ZNF429: variants seen among roughly 807,000 people sequenced by gnomAD.
ZNF429 encodes the protein zinc finger protein 429.
In ZNF429, 53 loss-of-function variants were observed where a neutral mutation model predicts 56.8. The observed-to-expected ratio is 0.93, with a 90% CI of 0.75 to 1.17. ZNF429 has a LOEUF of 1.17. ZNF429 is among the 50% of genes most tolerant of loss of function. The pLI is 0.00. For missense variants in ZNF429, 849 were observed against 788.4 expected (o/e 1.08, Z -0.92); for synonymous variants, 278 against 264.7 (o/e 1.05, Z -0.49).
chr19:21,533,822 T>G, intron 3 of ZNF429, among the ~76,000 whole-genome samples: 2 of 151,948 alleles, frequency 1.3e-5, no homozygotes, highest in African/African-American at 4.8e-5. Context: ...CCTGGCTAAT[T>G]TTTTTGTATT....
At chr19:21,532,345 A>T in intron 3 of ZNF429, among the ~76,000 whole-genome samples, 1 of 152,148 alleles carries the variant, frequency 6.6e-6, no homozygotes, top group African/African-American at 2.4e-5. Flanking sequence ...GCAAAAGAAC[A>T]TCATACTTCA....
At chr19:21,534,849 G>A in intron 3 of ZNF429, among the ~76,000 whole-genome samples, 4 of 147,634 alleles carry the variant, frequency 2.7e-5, no homozygotes, top group African/African-American at 5.0e-5. Context: ...TCGCTCTGTC[G>A]CCCAGGCTGG....
intron 3 of ZNF429, among the ~76,000 whole-genome samples, chr19:21,535,457 TTTCTTTCTTTCTTTCTTTC>T: frequency 2.7e-5 from 3 of 110,010 alleles, no homozygotes; most frequent in African/African-American, 8.3e-5. Context: ...TCTTTCTTTC[TTTCTTTCTTTCTTTCTTTC>T]TTTCTTTCTT....
At chr19:21,531,136 A>AAAAAAAAAAAAAAAAAAAACAAAAC in intron 3 of ZNF429, among the ~76,000 whole-genome samples, 1 of 130,108 alleles carries the variant, frequency 7.7e-6, no homozygotes, top group East Asian at 2.2e-4. Flanking sequence ...AAAACCAAAA[A>AAAAAAAAAAAAAAAAAAAACAAAAC]AAAAAAAACA....
chr19:21,508,512 T>C (rs1023228375), intron 1 of ZNF429, among the ~76,000 whole-genome samples: 12 of 152,306 alleles, frequency 7.9e-5, no homozygotes, highest in African/African-American at 2.4e-4. Flanking sequence ...TTGAAAAGAT[T>C]TGTTCACTTA....
At chr19:21,534,955 A>G in intron 3 of ZNF429, among the ~76,000 whole-genome samples, 5 of 148,782 alleles carry the variant, frequency 3.4e-5, no homozygotes, top group Admixed American at 6.7e-5. Flanking sequence ...GACTACAGGC[A>G]TCCACCACCA....
intron 1 of ZNF429, among the ~76,000 whole-genome samples, chr19:21,525,451 T>C (rs182848269): frequency 6.5e-4 from 99 of 152,250 alleles, no homozygotes; most frequent in Middle Eastern, 6.8e-3. Context: ...GTCCACTCTT[T>C]GGCCCAGTTC....
chr19:21,532,943 C>T, intron 3 of ZNF429, among the ~76,000 whole-genome samples: 3 of 152,032 alleles, frequency 2.0e-5, no homozygotes, highest in Non-Finnish European at 4.4e-5. Context: ...GATCTGCCTG[C>T]CTCGGCCTCT....
intron 1 of ZNF429, 144 bp downstream of exon 1, chr19:21,505,918 C>T: frequency 2.3e-6 from 2 of 855,020 alleles, no homozygotes; most frequent in Non-Finnish European, 3.7e-6. Context: ...GGCTTCAGTC[C>T]CCTTCAGCCA....
intron 1 of ZNF429, among the ~76,000 whole-genome samples, chr19:21,522,537 T>C (rs1234998974): frequency 1.3e-5 from 2 of 152,160 alleles, no homozygotes; most frequent in East Asian, 3.8e-4. Context: ...GATATAAACA[T>C]ATTAGGTGCC....
chr19:21,525,647 T>G (rs1309403725), intron 1 of ZNF429, among the ~76,000 whole-genome samples: 1 of 145,902 alleles, frequency 6.9e-6, no homozygotes, highest in African/African-American at 2.5e-5. Context: ...TTTTAATTTT[T>G]TATTAAAATC....
In ZNF429 at chr19:21,534,551, G is replaced by A; in HGVS notation, c.227-1729G>A. Among the ~76,000 whole-genome samples, 66 of 151,996 alleles carry A rather than the reference G, an allele frequency of 4.3e-4. 1 individual carries two copies. Among genetic ancestry groups the A allele is most frequent in the Non-Finnish European group, 7.4e-4 (50 of 67,932 alleles). ...TGGCTAGTGCAGTTTTTAATTATTTGTAGGGACAGGATTTCACTATGTTGC... is the reference window on the plus strand; with the variant it reads ...TGGCTAGTGCAGTTTTTAATTATTTATAGGGACAGGATTTCACTATGTTGC... On this transcript the variant is annotated intron_variant, in intron 3 of 3. Coordinates refer to ENST00000358491, the MANE Select transcript of ZNF429 (RefSeq NM_001001415.4).
chr19:21,505,632 C>G lies in ZNF429; in HGVS notation c.-140C>G. ...TTCCGGAATATGGCGGGGCGTTTGG[C>G]TCTTGCTGCAGCCAGAGCTCCAGGT... On this transcript the variant is annotated 5_prime_UTR_variant, in exon 1 of 4. Coordinates refer to ENST00000358491, the MANE Select transcript of ZNF429 (RefSeq NM_001001415.4). The G allele has an allele frequency of 9.8e-6, 8 of 817,632 alleles. No homozygotes were observed. Among genetic ancestry groups the G allele is most frequent in the Admixed American group, 2.8e-5 (1 of 35,164 alleles). The allele number at this position is 817,632 out of a possible 1,614,324, so 50.6% of individuals were successfully genotyped here.
chr19:21,517,958 T>C (rs2032828957), intron 1 of ZNF429, among the ~76,000 whole-genome samples: 1 of 151,696 alleles, frequency 6.6e-6, no homozygotes, highest in African/African-American at 2.4e-5. Flanking sequence ...CATGCCTGGC[T>C]AATTTTTTTT....
chr19:21,527,574 A>G (rs2033216887), intron 1 of ZNF429, among the ~76,000 whole-genome samples: 1 of 152,134 alleles, frequency 6.6e-6, no homozygotes, highest in South Asian at 2.1e-4. Flanking sequence ...CCATACTACC[A>G]ATATTGTAGC....
In ZNF429 at chr19:21,537,362, T is replaced by G; in HGVS notation, c.1309T>G (p.Ser437Ala). Residue 437 changes from serine (S) to alanine (A), a missense_variant, in exon 4 of 4, where the codon TCC (serine) becomes GCC (alanine). By Grantham distance (99) the Ser-to-Ala change is moderately conservative (BLOSUM62 1). Transcript: ENST00000358491. ...AGAATGTGGCAAAGTTTTTACCTATTCCTCTACACTTACTAGACATAAGAG... is the reference window on the plus strand; with the variant it reads ...AGAATGTGGCAAAGTTTTTACCTATGCCTCTACACTTACTAGACATAAGAG... Reference protein sequence around the residue: ...CEECGKVFTYSSTLTRHKRIH... With the variant: ...CEECGKVFTYASTLTRHKRIH... 1 of 1,613,700 alleles carries G rather than the reference T, an allele frequency of 6.2e-7. No individual in the cohort carries two copies. The highest frequency in any genetic ancestry group is 8.5e-7 in the Non-Finnish European group (1 of 1,179,828).
intron 3 of ZNF429, among the ~76,000 whole-genome samples, chr19:21,532,694 G>C: frequency 1.5e-5 from 2 of 130,378 alleles, no homozygotes; most frequent in African/African-American, 2.9e-5. Flanking sequence ...CTCTATGTGA[G>C]AGGATTTTTT....
chr19:21,529,669 A>G lies in ZNF429; in HGVS notation c.15A>G (p.Thr5=). 6.3e-7 allele frequency: 1 copy of G among 1,585,268 alleles called. No homozygotes were observed. The highest frequency in any genetic ancestry group is 1.1e-5 in the South Asian group (1 of 88,294). Residue 5 remains threonine, a synonymous_variant, in exon 2 of 4, where the codon ACA becomes ACG. Coordinates refer to ENST00000358491, the MANE Select transcript of ZNF429 (RefSeq NM_001001415.4). ...TGTGTGTGTTTCAGGGACCATTGAC[A>G]TTTACAGATGTGGCCATAGAATTCT... MGPL[T]FTDVAIEFSL... is the part of the protein sequence containing the mutation.
rs2033734718 is a variant in ZNF429 at position 21,537,318 on chromosome 19, A to G, written c.1265A>G (p.Glu422Gly). 1.2e-6 allele frequency: 2 copies of G among 1,614,096 alleles called. No homozygotes were observed. The highest frequency in any genetic ancestry group is 2.2e-5 in the South Asian group (2 of 91,082). ...CAAGACAAGAAAATTCATACTGGAG[A>G]GAAACCCTACAATTGTGAAGAATGT... The part of the protein sequence containing the change: ...LTQDKKIHTG[E>G]KPYNCEECGK... Residue 422 changes from glutamate (E) to glycine (G), a missense_variant, in exon 4 of 4, where the codon GAG becomes GGG. Coordinates refer to ENST00000358491, the MANE Select transcript of ZNF429 (RefSeq NM_001001415.4).
Sources: gnomAD v4.1 joint callset for allele counts (sites outside exome capture counted in the v4.1 genomes callset) on GRCh38, gnomAD v4.1.1 for gene constraint, MANE v1.5 for transcripts, NCBI Gene and HGNC (gene_info 2026-07-23, HGNC 2026-07-21) for gene names.